The following KIAA1217 variants were observed in gnomAD, a reference collection of about 807,000 sequenced individuals.
KIAA1217 encodes sickle tail protein homolog.
Under a neutral mutation model 163.9 loss-of-function variants are expected in KIAA1217, and 88 were observed. The observed-to-expected ratio is 0.54, with a 90% CI of 0.45 to 0.64. The LOEUF is 0.64. Among genes scored for constraint, KIAA1217 ranks in the 30% least tolerant of loss-of-function variants. The pLI, the probability that KIAA1217 is intolerant of heterozygous loss-of-function variation, is 0.00. For missense variants in KIAA1217, 2,372 were observed against 2,475.0 expected (o/e 0.96, Z 0.88); for synonymous variants, 903 against 923.1 (o/e 0.98, Z 0.39).
chr10:23,809,056 A>G (rs554258368), intron 1 of KIAA1217, among the ~76,000 whole-genome samples: 4 of 152,242 alleles, frequency 2.6e-5, no homozygotes, highest in Middle Eastern at 3.4e-3. Flanking sequence ...TACTATACCT[A>G]GGATAAAATA....
At chr10:23,937,998 C>T (rs570509313) in intron 1 of KIAA1217, among the ~76,000 whole-genome samples, 8 of 152,098 alleles carry the variant, frequency 5.3e-5, no homozygotes, top group African/African-American at 1.9e-4. Flanking sequence ...GGCCAAGTGT[C>T]GAGAGTTCAC....
chr10:24,335,671 A>G (rs541014418), intron 2 of KIAA1217, among the ~76,000 whole-genome samples: 1 of 150,844 alleles, frequency 6.6e-6, no homozygotes, highest in African/African-American at 2.4e-5. Context: ...GTGCAGTGGC[A>G]AGATCATAGC....
At chr10:24,408,640 G>T (rs2057456156) in intron 3 of KIAA1217, among the ~76,000 whole-genome samples, 1 of 152,106 alleles carries the variant, frequency 6.6e-6, no homozygotes, top group Non-Finnish European at 1.5e-5. Context: ...TAGTTTATTG[G>T]CAACAACCTC....
intron 2 of KIAA1217, among the ~76,000 whole-genome samples, chr10:24,379,209 C>T (rs1303227615): frequency 2.0e-5 from 3 of 152,132 alleles, no homozygotes; most frequent in Non-Finnish European, 2.9e-5. Flanking sequence ...CACTGAGGAC[C>T]ACGTGAATTT....
At chr10:24,148,943 T>C (rs1016159284) in intron 2 of KIAA1217, among the ~76,000 whole-genome samples, 3 of 152,226 alleles carry the variant, frequency 2.0e-5, no homozygotes, top group African/African-American at 7.2e-5. Flanking sequence ...TAAAATGATA[T>C]GGAAACTTCT....
At chr10:23,894,795 A>G (rs1384406010) in intron 1 of KIAA1217, among the ~76,000 whole-genome samples, 2 of 151,026 alleles carry the variant, frequency 1.3e-5, no homozygotes, top group African/African-American at 2.4e-5. Flanking sequence ...AAACAGAGAT[A>G]TAGATCAATG....
chr10:23,790,807 C>T (rs892187106), intron 1 of KIAA1217, among the ~76,000 whole-genome samples: 12 of 151,708 alleles, frequency 7.9e-5, no homozygotes, highest in African/African-American at 2.9e-4. Flanking sequence ...GATCTTGATG[C>T]ATTGCAACAT....
At position 23,695,349 on chromosome 10, in the gene KIAA1217, C is replaced by A. The variant is rs984174476; in HGVS notation, c.-321+115C>A. The A allele has an allele frequency of 2.6e-5, 4 of 152,258 alleles. No individual in the cohort carries two copies. Among genetic ancestry groups the A allele is most frequent in the Non-Finnish European group, 5.9e-5 (4 of 68,074 alleles). 9.4% of individuals were successfully genotyped at this position (152,258 alleles called of 1,614,324 possible). A position where few individuals can be genotyped will look rare whatever the true frequency, so the allele number is the denominator to read the frequency against. On this transcript the variant is annotated intron_variant, in intron 1 of 18. Transcript: ENST00000376462. The surrounding 1 kb of genome is among the most constrained non-coding windows in gnomAD (Gnocchi z 4.9). ...AGGGGAGACTTACAAGGGAGCCTTG[C>A]GCGGGAGAGCAAGTGAGCGTTTCGA...
chr10:24,370,180 G>A (rs78916978), intron 2 of KIAA1217, among the ~76,000 whole-genome samples: 15,977 of 150,650 alleles, frequency 0.11, 974 homozygotes, highest in South Asian at 0.27. Flanking sequence ...CAGGAGAATG[G>A]TGTGAACCCG....
rs781050068 is a variant in KIAA1217, at chr10:24,078,836, T to C, written c.-171+71462T>C. On this transcript the variant is annotated intron_variant, in intron 2 of 18. Transcript: ENST00000376462. ...CCTTCTGTGGCCCGTCTGTTCTTCC[T>C]GCCTGTGTCCTATGGGCAATGCCCC... Among the ~76,000 whole-genome samples the C allele has an allele frequency of 2.0e-5, 3 of 152,174 alleles. 1 individual carries two copies. Among genetic ancestry groups the C allele is most frequent in the Non-Finnish European group, 4.4e-5 (3 of 68,044 alleles).
intron 2 of KIAA1217, among the ~76,000 whole-genome samples, chr10:24,188,929 C>A (rs2066574991): frequency 6.6e-6 from 1 of 151,900 alleles, no homozygotes; most frequent in African/African-American, 2.4e-5. Context: ...CATGGTGAAA[C>A]CCCGTCTCTA....
intron 1 of KIAA1217, among the ~76,000 whole-genome samples, chr10:23,728,850 A>G (rs1046904967): frequency 6.6e-6 from 1 of 152,198 alleles, no homozygotes; most frequent in Non-Finnish European, 1.5e-5. Context: ...CAGCCTCTGC[A>G]GTCATCAATA....
intron 1 of KIAA1217, among the ~76,000 whole-genome samples, chr10:23,898,500 A>G (rs1173211406): frequency 3.3e-5 from 5 of 152,160 alleles, no homozygotes; most frequent in South Asian, 4.1e-4. Flanking sequence ...TAAAAATTAC[A>G]TAAGTTTGAA....
intron 2 of KIAA1217, among the ~76,000 whole-genome samples, chr10:24,341,517 T>C (rs1245900399): frequency 6.6e-6 from 1 of 152,266 alleles, no homozygotes; most frequent in Non-Finnish European, 1.5e-5. Context: ...TACTTGTAGA[T>C]ACGTATAGTA....
chr10:24,028,385 A>C (rs886098391), intron 2 of KIAA1217, among the ~76,000 whole-genome samples: 2 of 152,160 alleles, frequency 1.3e-5, no homozygotes, highest in Non-Finnish European at 2.9e-5. Flanking sequence ...TATCAGATAC[A>C]TACATACATA....
intron 2 of KIAA1217, among the ~76,000 whole-genome samples, chr10:24,331,740 A>T (rs1403125319): frequency 6.6e-6 from 1 of 152,260 alleles, no homozygotes; most frequent in Non-Finnish European, 1.5e-5. Flanking sequence ...CATTCTTTAA[A>T]TACATCTGAA....
At chr10:24,047,818 C>A (rs1236149569) in intron 2 of KIAA1217, among the ~76,000 whole-genome samples, 1 of 152,084 alleles carries the variant, frequency 6.6e-6, no homozygotes. Context: ...TATTCTGGAC[C>A]CTGCTGATGA....
Position 24,409,997 on chromosome 10 carries a change from C to CTT in KIAA1217, c.554-22982_554-22981dup, listed in dbSNP as rs71397947. Among the ~76,000 whole-genome samples, 436 of 123,850 alleles carry CTT rather than the reference C, an allele frequency of 3.5e-3. 6 individuals are homozygous for CTT. The highest frequency in any genetic ancestry group is 8.5e-3 in the Middle Eastern group (2 of 234). 81.3% of individuals were successfully genotyped at this position (123,850 alleles called of 152,430 possible). On this transcript the variant is annotated intron_variant, in intron 3 of 20. Transcript: ENST00000376454. ...TTCTTTTCTTTTCTTTTTCTTTTTT[C>CTT]TTTTTTTTTTTTTTTTTGAGACAGG...
At chr10:23,967,899 A>ATGTGTGTGTGTG (rs58562978) in intron 1 of KIAA1217, among the ~76,000 whole-genome samples, 76 of 143,936 alleles carry the variant, frequency 5.3e-4, no homozygotes, top group Middle Eastern at 3.5e-3. Flanking sequence ...AATATATTAA[A>ATGTGTGTGTGTG]TGTGTGTGTG....
Sources: allele counts gnomAD v4.1 joint callset (sites outside exome capture counted in the v4.1 genomes callset), GRCh38; gene constraint gnomAD v4.1.1; non-coding constraint Gnocchi (gnomAD v3.1); transcripts MANE v1.5; gene names NCBI Gene and HGNC (gene_info 2026-07-23, HGNC 2026-07-21).